MYT1L: variants seen among roughly 807,000 people sequenced by gnomAD.
The protein encoded by MYT1L is myelin transcription factor 1 like.
In MYT1L, 12 loss-of-function variants were observed where a neutral mutation model predicts 126.7. That is an observed-to-expected ratio of 0.09 (90% CI 0.06 to 0.15). The LOEUF (loss-of-function observed/expected upper bound fraction) is 0.15. Ranked by LOEUF, MYT1L falls within the 10% of genes least tolerant of loss-of-function variation. MYT1L has a pLI of 1.00. For missense variants in MYT1L, 979 were observed against 1,585.2 expected (o/e 0.62, Z 6.49); for synonymous variants, 541 against 604.2 (o/e 0.90, Z 1.53).
At chr2:2,116,084 A>T (rs1265125464) in intron 3 of MYT1L, among the ~76,000 whole-genome samples, 3 of 152,240 alleles carry the variant, frequency 2.0e-5, no homozygotes, top group African/African-American at 7.2e-5. Context: ...TGATTCCCGA[A>T]TGACCATGGT....
At chr2:2,186,959 C>T (rs946760482) in intron 2 of MYT1L, among the ~76,000 whole-genome samples, 3 of 152,120 alleles carry the variant, frequency 2.0e-5, no homozygotes, top group Non-Finnish European at 2.9e-5. Context: ...TTTCTATTTG[C>T]TCTGATCCTC....
intron 4 of MYT1L, among the ~76,000 whole-genome samples, chr2:1,998,678 T>C (rs1329258486): frequency 6.6e-6 from 1 of 152,190 alleles, no homozygotes; most frequent in Non-Finnish European, 1.5e-5. Flanking sequence ...TTAGACCAGA[T>C]TGATCTTTTT....
At chr2:1,820,771 T>A (rs2038406911) in intron 21 of MYT1L, among the ~76,000 whole-genome samples, 1 of 152,168 alleles carries the variant, frequency 6.6e-6, no homozygotes, top group South Asian at 2.1e-4. Context: ...GGTCTTAAAC[T>A]CTTGGGCTCA....
chr2:1,807,888 C>T (rs1312369393), intron 22 of MYT1L, among the ~76,000 whole-genome samples: 1 of 152,176 alleles, frequency 6.6e-6, no homozygotes, highest in African/African-American at 2.4e-5. Context: ...CCATAACCTC[C>T]ACGTGTCGTG....
chr2:1,898,838 C>A (rs1309255789), intron 14 of MYT1L, among the ~76,000 whole-genome samples: 1 of 152,044 alleles, frequency 6.6e-6, no homozygotes, highest in African/African-American at 2.4e-5. Context: ...TGCAGGCGGG[C>A]GTGGTGGGGC....
chr2:2,054,003 T>C lies in MYT1L; in HGVS notation c.-183A>G, dbSNP rs1299293386. ...CTTTAGGTGGCTCCTCGGATATCCA[T>C]ACGTCTGTGAGACCAACTGGAACCT... is the stretch of plus-strand genomic sequence containing the variant. On this transcript the variant is annotated 5_prime_UTR_variant, in exon 4 of 25. An upstream start codon of the reference 5' UTR is lost. Coordinates refer to ENST00000647738, the MANE Select transcript of MYT1L (RefSeq NM_001303052.2). The C allele has an allele frequency of 6.5e-6, 1 of 152,686 alleles. No homozygotes were observed. The highest frequency in any genetic ancestry group is 2.4e-5 in the African/African-American group (1 of 41,472). 9.5% of individuals were successfully genotyped at this position (152,686 alleles called of 1,614,324 possible). A position where few individuals can be genotyped will look rare whatever the true frequency, so the allele number is the denominator to read the frequency against.
intron 3 of MYT1L, among the ~76,000 whole-genome samples, chr2:2,162,717 A>G (rs954254556): frequency 4.6e-5 from 7 of 152,236 alleles, no homozygotes; most frequent in African/African-American, 1.7e-4. Flanking sequence ...TTAAGTTGTG[A>G]CATGAGCAAG....
intron 23 of MYT1L, among the ~76,000 whole-genome samples, chr2:1,797,528 G>A (rs1471883439): frequency 1.3e-5 from 2 of 152,124 alleles, no homozygotes; most frequent in Admixed American, 6.5e-5. Flanking sequence ...CCAGGGGCCC[G>A]GACTTCTGAT....
intron 5 of MYT1L, among the ~76,000 whole-genome samples, chr2:1,980,690 A>G (rs975645615): frequency 1.3e-5 from 2 of 152,196 alleles, no homozygotes; most frequent in African/African-American, 4.8e-5. Context: ...GAGTTACCCA[A>G]GATGGTTTGA....
At chr2:2,168,946 C>A (rs2089593404) in intron 3 of MYT1L, among the ~76,000 whole-genome samples, 1 of 152,180 alleles carries the variant, frequency 6.6e-6, no homozygotes, top group South Asian at 2.1e-4. Context: ...CCTCTGTCCA[C>A]TTCTTATTTT....
Position 1,806,817 on chromosome 2 carries a change from TG to T in MYT1L, c.3172+2258del, listed in dbSNP as rs551782446. Among the ~76,000 whole-genome samples the T allele has an allele frequency of 3.9e-4, 60 of 152,288 alleles. No individual in the cohort carries two copies. The highest frequency in any genetic ancestry group is 1.4e-3 in the African/African-American group (59 of 41,556). On this transcript the variant is annotated intron_variant, in intron 22 of 24. Transcript: ENST00000647738. This position sits in a 1 kb window ranked among gnomAD's most constrained non-coding sequence, Gnocchi z 4.9. ...ACCTAACCGCCACTTCCTTCATTAA[TG>T]GGGAACAAAGGCACGTGGACTCGGA...
chr2:2,168,262 T>C (rs1397912087), intron 3 of MYT1L, among the ~76,000 whole-genome samples: 3 of 152,156 alleles, frequency 2.0e-5, no homozygotes, highest in African/African-American at 2.4e-5. Context: ...GAAGTTTGTG[T>C]GATGAGGGTG....
intron 3 of MYT1L, among the ~76,000 whole-genome samples, chr2:2,083,258 TC>T (rs2076024312): frequency 1.3e-5 from 2 of 152,184 alleles, no homozygotes; most frequent in Admixed American, 1.3e-4. Flanking sequence ...TAGATGCAAA[TC>T]CCCCACTCAG....
chr2:1,953,793 C>T (rs957371103), intron 8 of MYT1L, among the ~76,000 whole-genome samples: 19 of 152,208 alleles, frequency 1.2e-4, no homozygotes, highest in Non-Finnish European at 4.4e-5. Flanking sequence ...CATACTGCCT[C>T]TTTTCTGCCA....
At chr2:2,133,607 A>G (rs923322393) in intron 3 of MYT1L, among the ~76,000 whole-genome samples, 1 of 152,204 alleles carries the variant, frequency 6.6e-6, no homozygotes, top group Non-Finnish European at 1.5e-5. Context: ...TAACATGCTT[A>G]ATTTTAAAAG....
chr2:2,248,406 G>T, intron 2 of MYT1L, among the ~76,000 whole-genome samples: 1 of 151,920 alleles, frequency 6.6e-6, no homozygotes, highest in Non-Finnish European at 1.5e-5. Flanking sequence ...GTAAAGAAAA[G>T]CCCAGGACCC....
chr2:2,235,379 G>A (rs200478264), intron 2 of MYT1L, among the ~76,000 whole-genome samples: 1 of 57,474 alleles, frequency 1.7e-5, no homozygotes. Context: ...TGTGTGTAGA[G>A]GGGTGTGTGT....
intron 4 of MYT1L, among the ~76,000 whole-genome samples, chr2:2,010,865 G>A (rs527638354): frequency 7.2e-5 from 11 of 152,248 alleles, no homozygotes; most frequent in Admixed American, 2.6e-4. Context: ...AGTAACTCAC[G>A]CGTCTACTGT....
intron 4 of MYT1L, among the ~76,000 whole-genome samples, chr2:2,031,322 A>G (rs1407815507): frequency 6.6e-6 from 1 of 152,352 alleles, no homozygotes; most frequent in East Asian, 1.9e-4. Context: ...GGAGAGATGA[A>G]GTGGGTTTTC....
Sources: gnomAD v4.1 joint callset for allele counts (sites outside exome capture counted in the v4.1 genomes callset) on GRCh38, gnomAD v4.1.1 for gene constraint, Gnocchi (gnomAD v3.1) non-coding constraint, MANE v1.5 for transcripts, NCBI Gene and HGNC (gene_info 2026-07-23, HGNC 2026-07-21) for gene names.